Variants in SDCCAG8 observed in about 807,000 individuals in gnomAD.
SDCCAG8 encodes the protein SHH signaling and ciliogenesis regulator SDCCAG8.
SDCCAG8 carries 74 observed loss-of-function variants against 101.8 expected under a neutral mutation model. The observed-to-expected ratio is 0.73, with a 90% CI of 0.60 to 0.88. SDCCAG8 has a LOEUF of 0.88. Ranked by LOEUF, SDCCAG8 falls within the 40% of genes least tolerant of loss-of-function variation. The probability of loss-of-function intolerance (pLI) is 0.00; values close to 1 mark genes in which losing one functional copy is unlikely to be tolerated. For synonymous variants in SDCCAG8, 281 were observed against 292.9 expected (o/e 0.96, Z 0.41); for missense variants, 787 against 822.6 (o/e 0.96, Z 0.53).
At chr1:243,456,190 GT>G (rs2083738782) in intron 16 of SDCCAG8, among the ~76,000 whole-genome samples, 1 of 152,114 alleles carries the variant, frequency 6.6e-6, no homozygotes, top group Non-Finnish European at 1.5e-5. Flanking sequence ...TTCTCTCCCT[GT>G]TTTGGTTTAC....
intron 6 of SDCCAG8, among the ~76,000 whole-genome samples, chr1:243,294,708 C>CCA (rs1491243142): frequency 4.3e-5 from 6 of 138,530 alleles, no homozygotes; most frequent in Admixed American, 4.3e-4. Context: ...CCCCCCCCCC[C>CCA]CACAGCTGCC....
chr1:243,455,924 G>A (rs1166632762), intron 16 of SDCCAG8, among the ~76,000 whole-genome samples: 2 of 152,158 alleles, frequency 1.3e-5, no homozygotes, highest in Admixed American at 6.5e-5. Flanking sequence ...CAAATATTTG[G>A]TTGGGCATCG....
At chr1:243,270,538 A>G (rs1264949331) in intron 2 of SDCCAG8, among the ~76,000 whole-genome samples, 1 of 152,200 alleles carries the variant, frequency 6.6e-6, no homozygotes, top group Non-Finnish European at 1.5e-5. Context: ...CTAATCATCC[A>G]TCTCACAACT....
intron 13 of SDCCAG8, among the ~76,000 whole-genome samples, chr1:243,403,089 C>A (rs899566282): frequency 6.6e-6 from 1 of 152,210 alleles, no homozygotes; most frequent in African/African-American, 2.4e-5. Flanking sequence ...CAATTAGGAA[C>A]CTTTCAAATG....
intron 10 of SDCCAG8, among the ~76,000 whole-genome samples, chr1:243,334,943 C>A (rs937713999): frequency 6.6e-6 from 1 of 152,110 alleles, no homozygotes; most frequent in Admixed American, 6.5e-5. Context: ...GAATTGGGAC[C>A]GTCTCCTGTG....
intron 16 of SDCCAG8, among the ~76,000 whole-genome samples, chr1:243,484,510 T>C (rs1664379326): frequency 6.6e-6 from 1 of 152,222 alleles, no homozygotes; most frequent in Non-Finnish European, 1.5e-5. Flanking sequence ...ACAGTAAGTC[T>C]AGTGCCCGAC....
intron 13 of SDCCAG8, among the ~76,000 whole-genome samples, chr1:243,396,368 A>C (rs1370507556): frequency 6.6e-6 from 1 of 152,218 alleles, no homozygotes; most frequent in Non-Finnish European, 1.5e-5. Context: ...TTTGAACATT[A>C]GTGAAACAGA....
At chr1:243,431,486 G>A (rs1025053379) in intron 16 of SDCCAG8, among the ~76,000 whole-genome samples, 1 of 152,066 alleles carries the variant, frequency 6.6e-6, no homozygotes, top group Non-Finnish European at 1.5e-5. Context: ...GCCTGGGTTT[G>A]GGATGAGATC....
At position 243,488,972 on chromosome 1, in the gene SDCCAG8, T is replaced by C. The variant is rs774609644; in HGVS notation, c.1986-42T>C. 10 of 1,612,906 alleles carry C rather than the reference T, an allele frequency of 6.2e-6. No homozygotes were observed. In the Admixed American group the frequency reaches 1.3e-4, roughly 22 times the overall value. ...ACAGCCCCTGGGCCTGTTGAAAGGC[T>C]GACGTTATCCCTCTTTAATTCTGCG... is the stretch of plus-strand genomic sequence containing the variant. On this transcript the variant is annotated intron_variant, in intron 16 of 17. Transcript: ENST00000366541.
chr1:243,319,721 C>T lies in SDCCAG8; in HGVS notation c.1068+2828C>T, dbSNP rs368662927. 8.9e-4 allele frequency among the ~76,000 whole-genome samples: 135 copies of T among 152,228 alleles called. 2 individuals are homozygous for T. Among genetic ancestry groups the T allele is most frequent in the African/African-American group, 3.0e-3 (124 of 41,540 alleles). On this transcript the variant is annotated intron_variant, in intron 9 of 17. Transcript: ENST00000366541. ...GATCCTTTTCCTCTTCATTCTATCT[C>T]TTTCATCATCCTTAAATGTTTGAAT...
At chr1:243,307,901 A>ATAG (rs1318130816) in intron 7 of SDCCAG8, 88 bp from the exon 8 acceptor site, 1 of 1,595,022 alleles carries the variant, frequency 6.3e-7, no homozygotes, top group African/African-American at 1.3e-5. Context: ...CCCATAAACG[A>ATAG]TAGTAGTAGT....
chr1:243,370,170 T>A (rs2077206379), intron 12 of SDCCAG8, among the ~76,000 whole-genome samples: 2 of 152,070 alleles, frequency 1.3e-5, no homozygotes, highest in Non-Finnish European at 2.9e-5. Flanking sequence ...GCTCCTAGCA[T>A]CAGCAGACAT....
intron 4 of SDCCAG8, among the ~76,000 whole-genome samples, chr1:243,278,710 C>T (rs965244406): frequency 6.6e-6 from 1 of 152,136 alleles, no homozygotes; most frequent in Non-Finnish European, 1.5e-5. Context: ...AGCATATTGT[C>T]TGCAAACGAA....
chr1:243,347,134 TG>T (rs1359619797), intron 12 of SDCCAG8, among the ~76,000 whole-genome samples: 1 of 152,186 alleles, frequency 6.6e-6, no homozygotes, highest in Non-Finnish European at 1.5e-5. Context: ...TCATCTTCTT[TG>T]TCATGTTTTT....
intron 4 of SDCCAG8, among the ~76,000 whole-genome samples, chr1:243,284,419 G>A (rs1028544096): frequency 2.0e-5 from 3 of 152,136 alleles, no homozygotes; most frequent in African/African-American, 7.2e-5. Flanking sequence ...GTCAGTATAC[G>A]GGAGCCATAG....
intron 13 of SDCCAG8, among the ~76,000 whole-genome samples, chr1:243,406,943 T>TTCCTCC (rs2079827619): frequency 6.6e-6 from 1 of 152,178 alleles, no homozygotes; most frequent in African/African-American, 2.4e-5. Context: ...CCTGAAATCC[T>TTCCTCC]TCCTCCCTGT....
chr1:243,290,212 G>GATCA (rs386370258), intron 5 of SDCCAG8, among the ~76,000 whole-genome samples: 1 of 105,250 alleles, frequency 9.5e-6, no homozygotes, highest in Non-Finnish European at 1.9e-5. Context: ...CCCGCCCCCC[G>GATCA]ATCCCCTGCC....
intron 13 of SDCCAG8, among the ~76,000 whole-genome samples, chr1:243,386,303 T>G (rs1284622530): frequency 2.0e-5 from 3 of 152,200 alleles, no homozygotes; most frequent in Non-Finnish European, 1.5e-5. Context: ...CCTTATCCAT[T>G]AAGCTGTAAT....
intron 17 of SDCCAG8, among the ~76,000 whole-genome samples, chr1:243,489,838 C>T (rs1665944840): frequency 6.6e-6 from 1 of 152,144 alleles, no homozygotes; most frequent in Admixed American, 6.5e-5. Context: ...AGGTTAGATC[C>T]GGGGCCACCA....
Sources: gnomAD v4.1 joint callset for allele counts (sites outside exome capture counted in the v4.1 genomes callset) on GRCh38, gnomAD v4.1.1 for gene constraint, MANE v1.5 for transcripts, NCBI Gene and HGNC (gene_info 2026-07-23, HGNC 2026-07-21) for gene names.